Variants in GPC6 observed in about 807,000 individuals in gnomAD.
GPC6 encodes the protein glypican-6.
A neutral mutation model predicts 55.2 loss-of-function variants in GPC6; 14 were observed. That is an observed-to-expected ratio of 0.25 (90% CI 0.17 to 0.40). GPC6 has a LOEUF of 0.40. GPC6 is among the 10% of genes least tolerant of loss of function. The pLI is 1.00. For synonymous variants in GPC6, 278 were observed against 259.6 expected (o/e 1.07, Z -0.68); for missense variants, 641 against 708.5 (o/e 0.90, Z 1.08).
chr13:93,721,260 A>G (rs1285288462), intron 2 of GPC6, among the ~76,000 whole-genome samples: 1 of 151,802 alleles, frequency 6.6e-6, no homozygotes. Context: ...TATTGGGTGG[A>G]TAGTTAGCTC....
intron 1 of GPC6, among the ~76,000 whole-genome samples, chr13:93,433,639 G>A (rs987219327): frequency 4.6e-5 from 7 of 152,066 alleles, no homozygotes; most frequent in Non-Finnish European, 7.3e-5. Context: ...AATAAGAAAT[G>A]GAGATATTAT....
chr13:94,095,728 T>A (rs1885633120), intron 4 of GPC6, among the ~76,000 whole-genome samples: 1 of 152,044 alleles, frequency 6.6e-6, no homozygotes. Context: ...TGCGATAGTA[T>A]TACATGAGAT....
chr13:93,787,811 C>T (rs952082429), intron 2 of GPC6, among the ~76,000 whole-genome samples: 1 of 132,834 alleles, frequency 7.5e-6, no homozygotes. Context: ...GTTAAACAAC[C>T]TCTTTTATCC....
chr13:94,083,319 C>T (rs147771454), intron 4 of GPC6, among the ~76,000 whole-genome samples: 2,593 of 152,196 alleles, frequency 0.017, 24 homozygotes, highest in Non-Finnish European at 0.023. Context: ...GGGGTTTCAC[C>T]GTGTTAGCCA....
chr13:93,442,333 T>C (rs1285060298), intron 1 of GPC6, among the ~76,000 whole-genome samples: 1 of 152,072 alleles, frequency 6.6e-6, no homozygotes, highest in Non-Finnish European at 1.5e-5. Flanking sequence ...AGCCTCCTGG[T>C]TTAAAGTGAT....
At chr13:93,448,008 G>T (rs960660564) in intron 1 of GPC6, among the ~76,000 whole-genome samples, 2 of 152,058 alleles carry the variant, frequency 1.3e-5, no homozygotes, top group African/African-American at 2.4e-5. Context: ...TCTTGTACAT[G>T]ATTCTGCACA....
intron 1 of GPC6, among the ~76,000 whole-genome samples, chr13:93,513,392 A>G (rs905613448): frequency 6.6e-6 from 1 of 152,192 alleles, no homozygotes; most frequent in Non-Finnish European, 1.5e-5. Flanking sequence ...CATGTGTTCA[A>G]CATAAACCTA....
At chr13:94,209,332 G>A (rs1300187887) in intron 4 of GPC6, among the ~76,000 whole-genome samples, 2 of 152,164 alleles carry the variant, frequency 1.3e-5, no homozygotes, top group Non-Finnish European at 2.9e-5. Context: ...GGCATGGTTT[G>A]TAATGGTTCC....
intron 4 of GPC6, among the ~76,000 whole-genome samples, chr13:94,147,563 T>C (rs2138890027): frequency 6.6e-6 from 1 of 152,308 alleles, no homozygotes; most frequent in Non-Finnish European, 1.5e-5. Flanking sequence ...GCATAAACTG[T>C]TGTTGTTATC....
chr13:94,087,524 C>T (rs1222821371), intron 4 of GPC6, among the ~76,000 whole-genome samples: 1 of 152,156 alleles, frequency 6.6e-6, no homozygotes, highest in East Asian at 1.9e-4. Context: ...ATTAAGATCC[C>T]AATATGTTTC....
In GPC6 at chr13:94,266,199, C is replaced by T. The variant is rs76654876; in HGVS notation, c.878-20150C>T. On this transcript the variant is annotated intron_variant, in intron 4 of 8. Coordinates refer to ENST00000377047, the MANE Select transcript of GPC6 (RefSeq NM_005708.5). ...TTGTTTGTTTTTTGAGAAGGAGTCT[C>T]GCTCTGTTGCCCAGGCTGGAGTGCA... Among the ~76,000 whole-genome samples the T allele has an allele frequency of 5.2e-3, 772 of 148,840 alleles. 23 individuals are homozygous for T. The East Asian group carries it at 0.088, about 17-fold the overall frequency.
At chr13:93,544,037 A>G (rs1346967807) in intron 1 of GPC6, among the ~76,000 whole-genome samples, 4 of 147,336 alleles carry the variant, frequency 2.7e-5, no homozygotes, top group Non-Finnish European at 6.0e-5. Flanking sequence ...AGTGATTTTG[A>G]TTTGCATTTC....
At chr13:94,351,962 C>CAAAAAAAAAAAAAAA (rs60206836) in intron 6 of GPC6, among the ~76,000 whole-genome samples, 4 of 101,546 alleles carry the variant, frequency 3.9e-5, no homozygotes, top group African/African-American at 8.5e-5. Context: ...GAGAAGAAGG[C>CAAAAAAAAAAAAAAA]AAAAAAAAAA....
chr13:93,732,609 A>G (rs542401718), intron 2 of GPC6, among the ~76,000 whole-genome samples: 2 of 152,254 alleles, frequency 1.3e-5, no homozygotes, highest in East Asian at 1.9e-4. Flanking sequence ...TTCCTGGAAA[A>G]CTATAACTTA....
chr13:94,093,365 C>G (rs149657284), intron 4 of GPC6, among the ~76,000 whole-genome samples: 266 of 152,142 alleles, frequency 1.7e-3, no homozygotes, highest in African/African-American at 6.2e-3. Context: ...AGATACTTTC[C>G]TTTTCGCATT....
intron 1 of GPC6, among the ~76,000 whole-genome samples, chr13:93,257,005 A>G (rs1050725324): frequency 6.6e-6 from 1 of 152,176 alleles, no homozygotes; most frequent in South Asian, 2.1e-4. Context: ...CTTTGTGAAA[A>G]AAAAAGCATT....
intron 1 of GPC6, among the ~76,000 whole-genome samples, chr13:93,407,730 A>T (rs1876347377): frequency 6.6e-6 from 1 of 152,182 alleles, no homozygotes; most frequent in Non-Finnish European, 1.5e-5. Context: ...TTGGATGACA[A>T]GGGTTCCATC....
chr13:94,327,314 A>G (rs1594172555), intron 6 of GPC6, among the ~76,000 whole-genome samples: 2 of 152,108 alleles, frequency 1.3e-5, no homozygotes, highest in Non-Finnish European at 2.9e-5. Flanking sequence ...CGTGGAGATG[A>G]TTAATTACAG....
chr13:93,461,425 A>G (rs986656541), intron 1 of GPC6, among the ~76,000 whole-genome samples: 2 of 152,192 alleles, frequency 1.3e-5, no homozygotes, highest in African/African-American at 4.8e-5. Context: ...ACTTACAAGT[A>G]AAGTATTATT....
Sources: allele counts gnomAD v4.1 joint callset (sites outside exome capture counted in the v4.1 genomes callset), GRCh38; gene constraint gnomAD v4.1.1; transcripts MANE v1.5; gene names NCBI Gene and HGNC (gene_info 2026-07-23, HGNC 2026-07-21).